HPSE2: variants seen among roughly 807,000 people sequenced by gnomAD.
HPSE2 encodes inactive heparanase-2.
HPSE2 carries 38 observed loss-of-function variants against 60.5 expected under a neutral mutation model. That is an observed-to-expected ratio of 0.63 (90% CI 0.48 to 0.82). HPSE2 has a LOEUF of 0.82. HPSE2 is among the 40% of genes least tolerant of loss of function. HPSE2 has a pLI of 0.00. For synonymous variants in HPSE2, 295 were observed against 293.2 expected, an observed-to-expected ratio of 1.01 and a Z score of -0.06; for missense variants, 713 against 740.4, an observed-to-expected ratio of 0.96 and a Z score of 0.43.
chr10:99,168,840 T>C (rs1474790161), intron 2 of HPSE2, among the ~76,000 whole-genome samples: 1 of 152,186 alleles, frequency 6.6e-6, no homozygotes, highest in Admixed American at 6.5e-5. Context: ...CCATTAAACA[T>C]AAAAAATGAT....
rs1438567244 is a variant in HPSE2, at chr10:98,985,945, T to C, written c.610+158293A>G. On this transcript the variant is annotated intron_variant, in intron 3 of 11. Transcript: ENST00000370552. Reference sequence around the variant, plus strand: ...TCAATTCAACAAGAAGAGCTAACTATCCTAAATATATATGCACCCAACACA... The same window carrying C: ...TCAATTCAACAAGAAGAGCTAACTACCCTAAATATATATGCACCCAACACA... 3.3e-5 allele frequency among the ~76,000 whole-genome samples: 5 copies of C among 152,240 alleles called. No homozygotes were observed. The East Asian group carries it at 9.7e-4, about 29-fold the overall frequency.
rs962104618 is a variant in HPSE2, at chr10:98,725,579, T to G, written c.785-3751A>C. 1.6e-3 allele frequency among the ~76,000 whole-genome samples: 246 copies of G among 151,996 alleles called. 4 individuals carry two copies. The East Asian group carries it at 0.022, about 13-fold the overall frequency. On this transcript the variant is annotated intron_variant, in intron 4 of 11. Transcript: ENST00000370552. ...AATACCATTCAGGACATAGGCATGG[T>G]CAAGGACTTCATGTCTAAAACACCA...
chr10:99,063,461 A>T (rs1419312850), intron 3 of HPSE2, among the ~76,000 whole-genome samples: 1 of 152,174 alleles, frequency 6.6e-6, no homozygotes, highest in Non-Finnish European at 1.5e-5. Flanking sequence ...AATTAAAAAG[A>T]TCGGTAATAC....
intron 3 of HPSE2, among the ~76,000 whole-genome samples, chr10:98,795,043 G>GGAAGGAAGGAAA: frequency 1.4e-5 from 2 of 144,664 alleles, no homozygotes; most frequent in Non-Finnish European, 3.0e-5. Context: ...AAGGAAGGAA[G>GGAAGGAAGGAAA]GAAGGAAGGA....
chr10:98,694,386 C>T (rs985442693), intron 5 of HPSE2, among the ~76,000 whole-genome samples: 1 of 152,154 alleles, frequency 6.6e-6, no homozygotes, highest in African/African-American at 2.4e-5. Context: ...TTTCCTAGAG[C>T]GAGCATGGGA....
intron 6 of HPSE2, among the ~76,000 whole-genome samples, chr10:98,645,344 C>T (rs193132852): frequency 6.6e-6 from 1 of 152,200 alleles, no homozygotes; most frequent in East Asian, 1.9e-4. Flanking sequence ...AAGTAATGGC[C>T]AAAGCCATGG....
intron 3 of HPSE2, among the ~76,000 whole-genome samples, chr10:99,107,557 T>C (rs185189497): frequency 3.3e-5 from 5 of 152,352 alleles, no homozygotes; most frequent in African/African-American, 9.6e-5. Context: ...TTCTAAATTA[T>C]ATTTTTATTT....
chr10:99,140,689 A>G (rs1451894845), intron 3 of HPSE2, among the ~76,000 whole-genome samples: 3 of 152,184 alleles, frequency 2.0e-5, no homozygotes, highest in Non-Finnish European at 2.9e-5. Flanking sequence ...GTTAAGGGAG[A>G]CAACTGAATT....
chr10:99,232,593 T>C, intron 1 of HPSE2, 88 bp from the exon 2 acceptor site: 1 of 1,412,932 alleles, frequency 7.1e-7, no homozygotes. Context: ...TCCTACTCCC[T>C]GAGGGCGACC....
intron 3 of HPSE2, among the ~76,000 whole-genome samples, chr10:99,123,091 T>C (rs185156095): frequency 6.0e-4 from 91 of 152,300 alleles, no homozygotes; most frequent in Admixed American, 9.8e-4. Flanking sequence ...TATATACTTA[T>C]ACACATCACA....
chr10:99,002,370 T>G (rs930950363), intron 3 of HPSE2, among the ~76,000 whole-genome samples: 1 of 152,082 alleles, frequency 6.6e-6, no homozygotes, highest in Non-Finnish European at 1.5e-5. Context: ...AACTACGGTA[T>G]GGATACCGAG....
chr10:98,689,521 A>T (rs1454901232), intron 6 of HPSE2, among the ~76,000 whole-genome samples: 1 of 152,216 alleles, frequency 6.6e-6, no homozygotes, highest in Non-Finnish European at 1.5e-5. Flanking sequence ...TAACTCTATG[A>T]ATATATAATA....
chr10:98,802,141 A>G (rs947783287), intron 3 of HPSE2, among the ~76,000 whole-genome samples: 15 of 152,250 alleles, frequency 9.9e-5, no homozygotes, highest in South Asian at 2.1e-4. Context: ...ATATAGAGGA[A>G]TAAAACTAGA....
At position 98,935,623 on chromosome 10, in the gene HPSE2, G is replaced by C. The variant is rs1173338204; in HGVS notation, c.611-191567C>G. ...CAGGGTATCACCAGTGAAGATTGCAGAACAGCAAAGATTGCTGCCGGCTCC... is the reference window on the plus strand; with the variant it reads ...CAGGGTATCACCAGTGAAGATTGCACAACAGCAAAGATTGCTGCCGGCTCC... On this transcript the variant is annotated intron_variant, in intron 3 of 11. Coordinates refer to ENST00000370552, the MANE Select transcript of HPSE2 (RefSeq NM_021828.5). 4.8e-5 allele frequency among the ~76,000 whole-genome samples: 7 copies of C among 144,426 alleles called. 3 individuals are homozygous for C. The highest frequency in any genetic ancestry group is 2.0e-4 in the African/African-American group (7 of 35,756). 94.7% of individuals were successfully genotyped at this position (144,426 alleles called of 152,430 possible).
rs568192411 is a variant in HPSE2 at position 98,837,745 on chromosome 10, G to A, written c.611-93689C>T. On this transcript the variant is annotated intron_variant, in intron 3 of 11. Coordinates refer to ENST00000370552, the MANE Select transcript of HPSE2 (RefSeq NM_021828.5). ...AAAAATTAGCCGGGCGTGGTGGCGG[G>A]CGCCTGCAGTCCCAGCTGCTGGGGA... 7.7e-4 allele frequency among the ~76,000 whole-genome samples: 117 copies of A among 152,136 alleles called. 1 individual carries two copies. The highest frequency in any genetic ancestry group is 5.9e-4 in the Non-Finnish European group (40 of 67,982).
intron 2 of HPSE2, among the ~76,000 whole-genome samples, chr10:99,181,120 C>T (rs1428287901): frequency 1.3e-5 from 2 of 151,850 alleles, no homozygotes; most frequent in East Asian, 3.9e-4. Context: ...CACACGCGGC[C>T]GGGCGCGGTG....
At chr10:98,710,791 G>C (rs1948657105) in intron 5 of HPSE2, among the ~76,000 whole-genome samples, 1 of 152,114 alleles carries the variant, frequency 6.6e-6, no homozygotes, top group Non-Finnish European at 1.5e-5. Flanking sequence ...TGGCAAATTT[G>C]TACCACATGT....
chr10:98,975,978 G>A (rs750991259), intron 3 of HPSE2, among the ~76,000 whole-genome samples: 50 of 152,076 alleles, frequency 3.3e-4, no homozygotes, highest in Non-Finnish European at 4.9e-4. Context: ...TATTTTCCCC[G>A]CTCATAACAA....
chr10:98,616,524 T>C (rs371103116), intron 8 of HPSE2, among the ~76,000 whole-genome samples: 32 of 152,338 alleles, frequency 2.1e-4, no homozygotes, highest in African/African-American at 7.5e-4. Context: ...ATTAAGTTTT[T>C]TCCTTGCTGG....
Sources: gnomAD v4.1 joint callset for allele counts (sites outside exome capture counted in the v4.1 genomes callset) on GRCh38, gnomAD v4.1.1 for gene constraint, MANE v1.5 for transcripts, NCBI Gene and HGNC (gene_info 2026-07-23, HGNC 2026-07-21) for gene names.